Variants in LRMDA observed in about 807,000 individuals in gnomAD.
The protein encoded by LRMDA is leucine rich melanocyte differentiation associated.
Under a neutral mutation model 29.8 loss-of-function variants are expected in LRMDA, and 18 were observed. That is an observed-to-expected ratio of 0.60 (90% CI 0.42 to 0.90). The LOEUF is 0.90. Among genes scored for constraint, LRMDA ranks in the 40% least tolerant of loss-of-function variants. The pLI, the probability that LRMDA is intolerant of heterozygous loss-of-function variation, is 0.00. For missense variants in LRMDA, 273 were observed against 273.9 expected, an observed-to-expected ratio of 1.00 and a Z score of 0.02; for synonymous variants, 125 against 109.4, an observed-to-expected ratio of 1.14 and a Z score of -0.89.
chr10:75,805,015 C>T (rs1296566572), intron 2 of LRMDA, among the ~76,000 whole-genome samples: 3 of 152,152 alleles, frequency 2.0e-5, no homozygotes, highest in Non-Finnish European at 2.9e-5. Flanking sequence ...ACAGTGTTCC[C>T]TGTGAATCCC....
chr10:75,828,981 T>C (rs1012975443), intron 2 of LRMDA, among the ~76,000 whole-genome samples: 4 of 152,196 alleles, frequency 2.6e-5, no homozygotes, highest in South Asian at 2.1e-4. Flanking sequence ...GCAGGCTTTT[T>C]TTAGGTGCTG....
chr10:76,206,803 C>T (rs762184759), intron 5 of LRMDA, among the ~76,000 whole-genome samples: 1 of 152,192 alleles, frequency 6.6e-6, no homozygotes, highest in East Asian at 1.9e-4. Flanking sequence ...TTTCATGCAG[C>T]CCCTGCACTG....
chr10:75,971,403 G>T (rs1846968372), intron 2 of LRMDA, among the ~76,000 whole-genome samples: 1 of 152,134 alleles, frequency 6.6e-6, no homozygotes, highest in Admixed American at 6.6e-5. Flanking sequence ...GGACTCAGTT[G>T]GGTTGTTTCA....
At chr10:76,130,347 T>C (rs1379176946) in intron 5 of LRMDA, among the ~76,000 whole-genome samples, 1 of 152,252 alleles carries the variant, frequency 6.6e-6, no homozygotes, top group African/African-American at 2.4e-5. Flanking sequence ...ACCTCACCTC[T>C]GTTACTCTCA....
At chr10:76,089,011 A>T (rs886920867) in intron 5 of LRMDA, among the ~76,000 whole-genome samples, 1 of 152,164 alleles carries the variant, frequency 6.6e-6, no homozygotes, top group Admixed American at 6.5e-5. Flanking sequence ...TTCCTACTCT[A>T]TGGAAGTCGT....
At chr10:76,230,797 G>T (rs1209992131) in intron 5 of LRMDA, among the ~76,000 whole-genome samples, 1 of 152,168 alleles carries the variant, frequency 6.6e-6, no homozygotes, top group African/African-American at 2.4e-5. Context: ...TAATGAATAG[G>T]TTCATAAAAG....
rs1432965545 is a variant in LRMDA at position 75,559,780 on chromosome 10, T to G, written c.131+121286T>G. On this transcript the variant is annotated intron_variant, in intron 2 of 6. Coordinates refer to ENST00000611255, the MANE Select transcript of LRMDA (RefSeq NM_001305581.2). Reference sequence around the variant, plus strand: ...AGCCAGTTTTCCCAGCACCATTTATTAAATAGGGAATCGTTTCCCCATTTC... The same window carrying G: ...AGCCAGTTTTCCCAGCACCATTTATGAAATAGGGAATCGTTTCCCCATTTC... Among the ~76,000 whole-genome samples the G allele has an allele frequency of 2.1e-4, 23 of 108,772 alleles. 3 individuals carry two copies. The highest frequency in any genetic ancestry group is 1.9e-3 in the East Asian group (5 of 2,690). The allele number at this position is 108,772 out of a possible 152,430, so 71.4% of individuals were successfully genotyped here.
At chr10:75,709,421 C>T (rs1027287385) in intron 2 of LRMDA, among the ~76,000 whole-genome samples, 5 of 147,268 alleles carry the variant, frequency 3.4e-5, no homozygotes, top group Admixed American at 6.8e-5. Context: ...TCTGTGTGTA[C>T]GTGTGTGTGT....
At chr10:75,863,282 C>T (rs1844963242) in intron 2 of LRMDA, among the ~76,000 whole-genome samples, 1 of 152,152 alleles carries the variant, frequency 6.6e-6, no homozygotes, top group Non-Finnish European at 1.5e-5. Flanking sequence ...TACATGTTTA[C>T]TGTTGTAATC....
intron 2 of LRMDA, among the ~76,000 whole-genome samples, chr10:75,453,318 GTCTTTTCT>G (rs1844480349): frequency 6.6e-6 from 1 of 152,172 alleles, no homozygotes; most frequent in Non-Finnish European, 1.5e-5. Flanking sequence ...TTCCTACACT[GTCTTTTCT>G]TTTGAATTTC....
intron 6 of LRMDA, among the ~76,000 whole-genome samples, chr10:76,413,825 A>G (rs2132511604): frequency 6.6e-6 from 1 of 152,354 alleles, no homozygotes; most frequent in African/African-American, 2.4e-5. Context: ...GTGTTGAACT[A>G]ATGAATGAAT....
At chr10:76,401,821 C>T (rs1394127373) in intron 6 of LRMDA, among the ~76,000 whole-genome samples, 1 of 152,104 alleles carries the variant, frequency 6.6e-6, no homozygotes, top group Admixed American at 6.6e-5. Context: ...ACAGGAAAAG[C>T]TTTTCTCTTG....
intron 2 of LRMDA, among the ~76,000 whole-genome samples, chr10:75,517,833 G>C (rs925118701): frequency 6.6e-6 from 1 of 152,124 alleles, no homozygotes; most frequent in Non-Finnish European, 1.5e-5. Context: ...TACTGGCTAT[G>C]GGTTTGTCAT....
At chr10:76,504,719 G>C (rs1474536312) in intron 6 of LRMDA, among the ~76,000 whole-genome samples, 1 of 152,028 alleles carries the variant, frequency 6.6e-6, no homozygotes, top group Non-Finnish European at 1.5e-5. Context: ...ATCTCTAAAT[G>C]ATGGCAGAGA....
At chr10:76,064,642 A>G (rs995819305) in intron 5 of LRMDA, among the ~76,000 whole-genome samples, 2 of 152,160 alleles carry the variant, frequency 1.3e-5, no homozygotes, top group African/African-American at 2.4e-5. Flanking sequence ...TGTTACTCCT[A>G]TGTAGCCCAA....
chr10:75,834,050 G>A (rs1589222883), intron 2 of LRMDA, among the ~76,000 whole-genome samples: 2 of 152,156 alleles, frequency 1.3e-5, no homozygotes, highest in East Asian at 3.9e-4. Context: ...GGATGTGTTT[G>A]CAGCTGAGTA....
At chr10:76,351,208 C>T (rs12244069) in intron 6 of LRMDA, among the ~76,000 whole-genome samples, 16,067 of 152,160 alleles carry the variant, frequency 0.11, 995 homozygotes, top group East Asian at 0.32. Context: ...CAGCTCCACG[C>T]ATTGACTCCG....
chr10:75,657,190 A>G (rs1841687509), intron 2 of LRMDA, among the ~76,000 whole-genome samples: 1 of 152,224 alleles, frequency 6.6e-6, no homozygotes. Flanking sequence ...AGATAAACCA[A>G]CCAGCATACA....
intron 2 of LRMDA, among the ~76,000 whole-genome samples, chr10:75,625,476 TAG>T (rs1841239119): frequency 6.6e-6 from 1 of 152,196 alleles, no homozygotes; most frequent in South Asian, 2.1e-4. Context: ...CCAGGCTGAT[TAG>T]AGTAGATCAG....
Sources: allele counts gnomAD v4.1 joint callset (sites outside exome capture counted in the v4.1 genomes callset), GRCh38; gene constraint gnomAD v4.1.1; transcripts MANE v1.5; gene names NCBI Gene and HGNC (gene_info 2026-07-23, HGNC 2026-07-21).